The following GALNT9 variants were observed in gnomAD, a reference collection of about 807,000 sequenced individuals.
The protein encoded by GALNT9 is polypeptide N-acetylgalactosaminyltransferase 9.
Under a neutral mutation model 63.1 loss-of-function variants are expected in GALNT9, and 47 were observed. That is an observed-to-expected ratio of 0.75 (90% CI 0.59 to 0.95). GALNT9 has a LOEUF of 0.95. Ranked by LOEUF, GALNT9 falls within the 40% of genes least tolerant of loss-of-function variation. The pLI is 0.00. For missense variants in GALNT9, 829 were observed against 874.8 expected (o/e 0.95, Z 0.66); for synonymous variants, 396 against 365.7 (o/e 1.08, Z -0.94).
intron 1 of GALNT9, among the ~76,000 whole-genome samples, chr12:132,303,039 G>A (rs1881362631): frequency 6.6e-6 from 1 of 151,834 alleles, no homozygotes; most frequent in African/African-American, 2.4e-5. Context: ...GTGAGACGGT[G>A]TGTGGACATG....
chr12:132,197,329 TTCGTGCTCTCAGCCC>T (rs1875583032), intron 10 of GALNT9, 76 bp from the exon 11 acceptor site: 1 of 1,570,118 alleles, frequency 6.4e-7, no homozygotes, highest in Non-Finnish European at 8.6e-7. Context: ...GGGAGGCTGC[TTCGTGCTCTCAGCCC>T]TCGTGCTCAT....
rs182343450 is a variant in GALNT9, at chr12:132,269,189, G to A, written c.420-6564C>T. Among the ~76,000 whole-genome samples the A allele has an allele frequency of 2.5e-3, 375 of 151,444 alleles. 7 individuals are homozygous for A. The highest frequency in any genetic ancestry group is 0.022 in the Admixed American group (333 of 15,210). ...GACCCAGGGCGGCCTCAGCGCTGAG[G>A]CAGGGGGAGGCGTCGGGAGGCAGCG... On this transcript the variant is annotated intron_variant, in intron 2 of 10. Transcript: ENST00000328957.
intron 6 of GALNT9, among the ~76,000 whole-genome samples, chr12:132,240,324 T>C (rs2136898070): frequency 1.3e-5 from 2 of 152,148 alleles, no homozygotes; most frequent in Non-Finnish European, 2.9e-5. Context: ...CTCTGGCCTC[T>C]GGCCGGCAGA....
intron 3 of GALNT9, among the ~76,000 whole-genome samples, chr12:132,261,812 A>C (rs1593091001): frequency 6.6e-6 from 1 of 152,128 alleles, no homozygotes; most frequent in African/African-American, 2.4e-5. Flanking sequence ...CAGATGGGGG[A>C]CAGGCCTGGG....
intron 6 of GALNT9, chr12:132,205,226 T>TGCC (rs919188512): frequency 3.3e-5 from 5 of 152,118 alleles, no homozygotes; most frequent in Non-Finnish European, 7.3e-5. Flanking sequence ...GGGTCGCCTG[T>TGCC]CAGCCCAGCC....
rs200409792 is a variant in GALNT9 at position 132,199,216 on chromosome 12, G to A, written c.1455C>T (p.Gly485=). The part of the protein sequence containing the change: ...AYCLDQGAED[G]DRAILYPCHG... ...GGCAGGGGTAGAGGATCGCCCGGTC[G>A]CCGTCCTCCGCTCCCTGGTCCAGAC... Residue 485 remains glycine, a synonymous_variant, in exon 9 of 11, where the codon GGC becomes GGT. Transcript: ENST00000328957. 349 of 1,604,004 alleles carry A rather than the reference G, an allele frequency of 2.2e-4. No individual in the cohort carries two copies. The highest frequency in any genetic ancestry group is 3.5e-4 in the South Asian group (32 of 91,052).
At chr12:132,223,183 C>T (rs1481445076) in intron 6 of GALNT9, among the ~76,000 whole-genome samples, 1 of 109,790 alleles carries the variant, frequency 9.1e-6, no homozygotes, top group African/African-American at 3.3e-5. Flanking sequence ...ACACCGCACA[C>T]AACCCACACC....
Position 132,197,387 on chromosome 12 carries a change from ACAG to A in GALNT9, c.1666-137_1666-135del, listed in dbSNP as rs373603769. 430 of 1,323,514 alleles carry A rather than the reference ACAG, an allele frequency of 3.2e-4. No homozygotes were observed. The African/African-American group carries it at 5.9e-3, about 18-fold the overall frequency. The allele number at this position is 1,323,514 out of a possible 1,614,324, so 82.0% of individuals were successfully genotyped here. ...GCAGCTTGAATGGAAAGCCAGCATC[ACAG>A]CAGCACCCAGGGGGGCCGGGAAGGG... On this transcript the variant is annotated intron_variant, in intron 10 of 10. Transcript: ENST00000328957.
At chr12:132,254,261 G>A (rs530218827) in intron 5 of GALNT9, among the ~76,000 whole-genome samples, 2 of 152,200 alleles carry the variant, frequency 1.3e-5, no homozygotes, top group Admixed American at 6.5e-5. Context: ...CACCCGCCTC[G>A]GCCTCCCAAA....
intron 2 of GALNT9, among the ~76,000 whole-genome samples, chr12:132,269,377 G>T (rs1185087694): frequency 2.0e-5 from 3 of 152,358 alleles, no homozygotes; most frequent in East Asian, 3.9e-4. Context: ...CCGAGGAGCG[G>T]GACCGCCAGG....
chr12:132,273,859 C>G (rs1309260377), intron 2 of GALNT9: 2 of 152,342 alleles, frequency 1.3e-5, no homozygotes, highest in African/African-American at 2.4e-5. Context: ...GCGCCCCTCC[C>G]AGGGCCTTGG....
At chr12:132,247,475 T>C (rs1408896330) in intron 6 of GALNT9, 1 of 392,256 alleles carries the variant, frequency 2.5e-6, no homozygotes, top group Non-Finnish European at 5.2e-6. Flanking sequence ...CTGGGAGCCT[T>C]GGCCGCCCAG....
At chr12:132,240,444 G>C in intron 6 of GALNT9, 1 of 364,076 alleles carries the variant, frequency 2.7e-6, no homozygotes, top group Non-Finnish European at 5.4e-6. Context: ...CATGGCCTCA[G>C]AACCAGCCCT....
chr12:132,313,687 C>CATTT (rs1555245410), intron 1 of GALNT9, among the ~76,000 whole-genome samples: 1 of 148,840 alleles, frequency 6.7e-6, no homozygotes, highest in African/African-American at 2.5e-5. Context: ...CCCACCCATC[C>CATTT]ATCCATTCAC....
chr12:132,244,138 AC>A (rs1878601275), intron 6 of GALNT9, among the ~76,000 whole-genome samples: 1 of 130,218 alleles, frequency 7.7e-6, no homozygotes, highest in Non-Finnish European at 1.8e-5. Context: ...TGGTGCCTCC[AC>A]GGGCCAAGAC....
Position 132,261,035 on chromosome 12 carries a change from A to C in GALNT9, c.674T>G (p.Leu225Arg). The part of the protein sequence containing the change: ...KIVRNSRREG[L>R]IRARLQGWKA... ...CCAGCCCTGCAGCCGCGCGCGGATC[A>C]GTCCTTCCCGCCGGCTGTTGCGGAC... is the stretch of plus-strand genomic sequence containing the variant. The change falls in exon 4 of 11, where the codon CTG becomes CGG. Residue 225 changes from leucine (L) to arginine (R), a missense_variant. By Grantham distance (102) the Leu-to-Arg change is moderately radical. Coordinates refer to ENST00000328957, the MANE Select transcript of GALNT9 (RefSeq NM_001122636.2). 6.4e-7 allele frequency: 1 copy of C among 1,551,322 alleles called. No individual in the cohort carries two copies. The highest frequency in any genetic ancestry group is 8.7e-7 in the Non-Finnish European group (1 of 1,146,946).
At chr12:132,321,737 T>A (rs1284608933) in intron 1 of GALNT9, among the ~76,000 whole-genome samples, 1 of 152,026 alleles carries the variant, frequency 6.6e-6, no homozygotes, top group Non-Finnish European at 1.5e-5. Context: ...GTGTCCCAGG[T>A]CACTGCAGTG....
chr12:132,201,654 C>T (rs1415600693), intron 7 of GALNT9, among the ~76,000 whole-genome samples: 2 of 152,212 alleles, frequency 1.3e-5, no homozygotes, highest in Non-Finnish European at 2.9e-5. Context: ...AGAGACCAGC[C>T]TGGTGAGGAC....
chr12:132,203,221 G>C (rs1876320218), intron 7 of GALNT9, among the ~76,000 whole-genome samples: 1 of 152,174 alleles, frequency 6.6e-6, no homozygotes, highest in Middle Eastern at 3.2e-3. Context: ...CCCCTCCCTG[G>C]CTTCTAACCA....
Sources: gnomAD v4.1 joint callset for allele counts (sites outside exome capture counted in the v4.1 genomes callset) on GRCh38, gnomAD v4.1.1 for gene constraint, MANE v1.5 for transcripts, NCBI Gene and HGNC (gene_info 2026-07-23, HGNC 2026-07-21) for gene names.